Variants in PHC2 observed in about 807,000 individuals in gnomAD.
The protein encoded by PHC2 is polyhomeotic-like protein 2.
A neutral mutation model predicts 87.4 loss-of-function variants in PHC2; 29 were observed. The observed-to-expected ratio is 0.33, with a 90% CI of 0.25 to 0.45. The LOEUF (loss-of-function observed/expected upper bound fraction) is 0.45. PHC2 is among the 20% of genes least tolerant of loss of function. PHC2 has a pLI of 1.00. For synonymous variants in PHC2, 438 were observed against 461.7 expected (o/e 0.95, Z 0.66); for missense variants, 857 against 1,136.7 (o/e 0.75, Z 3.54).
chr1:33,417,086 T>C (rs754148512), intron 1 of PHC2, among the ~76,000 whole-genome samples: 27 of 152,020 alleles, frequency 1.8e-4, no homozygotes, highest in Non-Finnish European at 2.9e-4. Context: ...GTTAAAGACA[T>C]ATGTTATAAA....
At position 33,430,990 on chromosome 1, in the gene PHC2, G is replaced by C. The variant is rs1213586604; in HGVS notation, c.-69C>G. The C allele has an allele frequency of 6.6e-6, 1 of 151,844 alleles. No homozygotes were observed. Among genetic ancestry groups the C allele is most frequent in the South Asian group, 2.1e-4 (1 of 4,830 alleles). The allele number at this position is 151,844 out of a possible 1,614,324, so 9.4% of individuals were successfully genotyped here. A position where few individuals can be genotyped will look rare whatever the true frequency, so the allele number is the denominator to read the frequency against. ...CCGCCCGTTACCTGCGGTCGCCTCC[G>C]CGCTCCTCCTCCACCTGGCCGCTCT... On this transcript the variant is annotated 5_prime_UTR_variant, in exon 1 of 15. Coordinates refer to ENST00000683057, the MANE Select transcript of PHC2 (RefSeq NM_001385109.1).
chr1:33,328,396 T>TTTG (rs377612477), intron 14 of PHC2, among the ~76,000 whole-genome samples: 3 of 150,990 alleles, frequency 2.0e-5, no homozygotes, highest in Non-Finnish European at 4.4e-5. Flanking sequence ...TTTTTTTTTT[T>TTTG]GGTAGAGACA....
Position 33,406,770 on chromosome 1 carries a change from G to A in PHC2, c.-55+24206C>T, listed in dbSNP as rs139508534. ...TTCTGCCTGGGTCTACTTGTCAGAA[G>A]AATAAATTTATTAGGCTTCTTTAAT... On this transcript the variant is annotated intron_variant, in intron 1 of 14. Coordinates refer to ENST00000683057, the MANE Select transcript of PHC2 (RefSeq NM_001385109.1). Among the ~76,000 whole-genome samples, 341 of 152,262 alleles carry A rather than the reference G, an allele frequency of 2.2e-3. 2 individuals are homozygous for A. Among genetic ancestry groups the A allele is most frequent in the Non-Finnish European group, 3.9e-3 (267 of 68,010 alleles).
At chr1:33,393,064 TTACAAAAGCATGAG>T (rs1649138922) in intron 1 of PHC2, among the ~76,000 whole-genome samples, 2 of 152,128 alleles carry the variant, frequency 1.3e-5, no homozygotes, top group African/African-American at 4.8e-5. Flanking sequence ...CTGTACCCCC[TTACAAAAGCATGAG>T]AGTTCCACAG....
intron 1 of PHC2, among the ~76,000 whole-genome samples, chr1:33,380,046 T>C (rs572479131): frequency 1.3e-5 from 2 of 152,360 alleles, no homozygotes; most frequent in African/African-American, 4.8e-5. Flanking sequence ...TGCATGCTCA[T>C]GTTGCTCTCT....
intron 9 of PHC2, chr1:33,347,426 T>C: frequency 3.0e-6 from 3 of 985,038 alleles, no homozygotes; most frequent in Non-Finnish European, 3.6e-6. Context: ...AAATAATATA[T>C]ATGGAGTGAG....
chr1:33,368,057 G>A lies in PHC2; in HGVS notation c.663+479C>T, dbSNP rs138315529. On this transcript the variant is annotated intron_variant, in intron 6 of 14. Transcript: ENST00000683057. The surrounding 1 kb of genome is among the most constrained non-coding windows in gnomAD (Gnocchi z 6.6). ...GGATGGGGAGATGCGAGTGCTAGGG[G>A]TTCCTTCCCCGGCTGCCCACAGAAT... 2.0e-3 allele frequency among the ~76,000 whole-genome samples: 303 copies of A among 152,282 alleles called. 2 individuals carry two copies. Among genetic ancestry groups the A allele is most frequent in the Non-Finnish European group, 1.6e-3 (108 of 68,014 alleles).
At chr1:33,428,927 A>G (rs535079046) in intron 1 of PHC2, among the ~76,000 whole-genome samples, 1 of 152,314 alleles carries the variant, frequency 6.6e-6, no homozygotes, top group Admixed American at 6.5e-5. Context: ...CATGGTCTCA[A>G]TCCTGGACTA....
At chr1:33,378,081 C>T (rs1312620189) in intron 1 of PHC2, among the ~76,000 whole-genome samples, 1 of 152,206 alleles carries the variant, frequency 6.6e-6, no homozygotes, top group East Asian at 1.9e-4. Context: ...TTCCCTTTGT[C>T]CTGAGCTGCA....
At chr1:33,389,018 C>G (rs1648912047) in intron 1 of PHC2, among the ~76,000 whole-genome samples, 1 of 150,222 alleles carries the variant, frequency 6.7e-6, no homozygotes, top group Admixed American at 6.6e-5. Flanking sequence ...TTCCACCAGG[C>G]TCCCAAAAGC....
At position 33,375,380 on chromosome 1, in the gene PHC2, G is replaced by T. The variant is rs773596075; in HGVS notation, c.160C>A (p.Arg54=). The T allele has an allele frequency of 6.3e-7, 1 of 1,586,294 alleles. No individual in the cohort carries two copies. Among genetic ancestry groups the T allele is most frequent in the South Asian group, 1.1e-5 (1 of 87,730 alleles). Residue 54 remains arginine (R), a synonymous_variant, in exon 2 of 15, where the codon CGG becomes AGG. Coordinates refer to ENST00000683057, the MANE Select transcript of PHC2 (RefSeq NM_001385109.1). ...QISVYSGIPD[R]QTVQVIQQAL... ...TAGACTCTTACCTGCACGGTCTGCC[G>T]GTCTGGAATACCACTGTACACAGAA...
At chr1:33,387,222 C>T (rs1436169506) in intron 1 of PHC2, among the ~76,000 whole-genome samples, 1 of 152,196 alleles carries the variant, frequency 6.6e-6, no homozygotes, top group African/African-American at 2.4e-5. Context: ...ATTTTGCTGA[C>T]TTTCATGAAC....
chr1:33,392,167 GCACACACACA>G (rs145325204), intron 1 of PHC2, among the ~76,000 whole-genome samples: 1 of 150,250 alleles, frequency 6.7e-6, no homozygotes, highest in Non-Finnish European at 1.5e-5. Context: ...ACACATACGT[GCACACACACA>G]CACACACACA....
chr1:33,343,342 C>T (rs913266210), intron 9 of PHC2, among the ~76,000 whole-genome samples: 5 of 151,724 alleles, frequency 3.3e-5, no homozygotes, highest in African/African-American at 1.2e-4. Flanking sequence ...TGGTGGCGAG[C>T]GCCTGTAGTC....
chr1:33,328,378 A>ATTT (rs10631917), intron 14 of PHC2, among the ~76,000 whole-genome samples: 52,711 of 133,512 alleles, frequency 0.39, 12,445 homozygotes, highest in African/African-American at 0.65. Flanking sequence ...TCTTAATTAA[A>ATTT]TTTTTTTTTT....
At position 33,372,005 on chromosome 1, in the gene PHC2, A is replaced by G. The variant is rs908586983; in HGVS notation, c.333+284T>C. On this transcript the variant is annotated intron_variant, in intron 3 of 14. Transcript: ENST00000683057. ...TCACGAACGCTTCCCTGGAACCCAC[A>G]GTCCTTTCCCTAGACCTGCGGTAAG... 4.6e-5 allele frequency among the ~76,000 whole-genome samples: 7 copies of G among 152,238 alleles called. No homozygotes were observed. The East Asian group carries it at 1.2e-3, about 25-fold the overall frequency.
intron 13 of PHC2, among the ~76,000 whole-genome samples, chr1:33,329,352 T>A (rs2148189212): frequency 6.6e-6 from 1 of 152,336 alleles, no homozygotes; most frequent in Non-Finnish European, 1.5e-5. Context: ...CACACAATAC[T>A]GCAATTATCT....
In PHC2 at chr1:33,368,509, G is replaced by A. The variant is rs1032619805; in HGVS notation, c.663+27C>T. 54 of 1,287,304 alleles carry A rather than the reference G, an allele frequency of 4.2e-5. No individual in the cohort carries two copies. Among genetic ancestry groups the A allele is most frequent in the Non-Finnish European group, 5.6e-5 (52 of 925,598 alleles). 79.7% of individuals were successfully genotyped at this position (1,287,304 alleles called of 1,614,324 possible). ...CCTCTACAGGGGTGCCCACCCCCCT[G>A]CCCTCCCACAAGCATGGAGTCCTCA... On this transcript the variant is annotated intron_variant, in intron 6 of 14. Coordinates refer to ENST00000683057, the MANE Select transcript of PHC2 (RefSeq NM_001385109.1). The surrounding 1 kb of genome is among the most constrained non-coding windows in gnomAD (Gnocchi z 6.6).
intron 5 of PHC2, 117 bp downstream of exon 5, chr1:33,370,304 T>C (rs1647741665): frequency 3.2e-6 from 3 of 937,728 alleles, no homozygotes; most frequent in Non-Finnish European, 4.8e-6. Context: ...CCACCCCTTA[T>C]CTCCTGCCCC....
Sources: gnomAD v4.1 joint callset for allele counts (sites outside exome capture counted in the v4.1 genomes callset) on GRCh38, gnomAD v4.1.1 for gene constraint, Gnocchi (gnomAD v3.1) non-coding constraint, MANE v1.5 for transcripts, NCBI Gene and HGNC (gene_info 2026-07-23, HGNC 2026-07-21) for gene names.